Variants in RP1 observed in about 807,000 individuals in gnomAD.
The protein encoded by RP1 is oxygen-regulated protein 1.
A neutral mutation model predicts 14.8 loss-of-function variants in RP1; 16 were observed. That is an observed-to-expected ratio of 1.08 (90% CI 0.73 to 1.65). The LOEUF (loss-of-function observed/expected upper bound fraction) is 1.65, where lower values mean the gene tolerates loss of function less well. Ranked by LOEUF, RP1 falls within the 40% of genes most tolerant of loss-of-function variation. The pLI is 0.00. For synonymous variants in RP1, 876 were observed against 883.6 expected (o/e 0.99, Z 0.15); for missense variants, 2,631 against 2,535.0 (o/e 1.04, Z -0.81).
intron 3 of RP1, among the ~76,000 whole-genome samples, chr8:54,638,678 A>G (rs1467748651): frequency 1.3e-5 from 2 of 152,102 alleles, no homozygotes; most frequent in African/African-American, 4.8e-5. Flanking sequence ...TTTCACAATA[A>G]TACACACTTG....
chr8:54,565,449 C>T (rs915470570), intron 1 of RP1, among the ~76,000 whole-genome samples: 1 of 152,140 alleles, frequency 6.6e-6, no homozygotes, highest in African/African-American at 2.4e-5. Flanking sequence ...CCTGTAATCC[C>T]ATGTACTCAG....
At chr8:54,651,027 G>C (rs1806646286) in intron 4 of RP1, among the ~76,000 whole-genome samples, 1 of 151,890 alleles carries the variant, frequency 6.6e-6, no homozygotes, top group African/African-American at 2.4e-5. Flanking sequence ...GTGTGTGTGT[G>C]TGTCAGGGGG....
intron 24 of RP1, among the ~76,000 whole-genome samples, chr8:54,812,791 A>ATCTATCTG: frequency 6.7e-6 from 1 of 150,160 alleles, no homozygotes; most frequent in Non-Finnish European, 1.5e-5. Flanking sequence ...CTATCTATCT[A>ATCTATCTG]TCTATCTATC....
Position 54,642,034 on chromosome 8 carries a change from T to C in RP1, c.788-6951T>C, listed in dbSNP as rs146215319. Among the ~76,000 whole-genome samples, 1,165 of 152,318 alleles carry C rather than the reference T, an allele frequency of 7.6e-3. 19 individuals are homozygous for C. The highest frequency in any genetic ancestry group is 0.027 in the African/African-American group (1,106 of 41,580). On this transcript the variant is annotated intron_variant, in intron 3 of 22. Transcript: ENST00000636932. The stretch of plus-strand genomic sequence containing the variant: ...ATTAGTTGTGGTACTAAATTTAGTG[T>C]ACTGATTTGCAGAAATGGTTCAGTC...
intron 1 of RP1, among the ~76,000 whole-genome samples, chr8:54,569,063 G>C (rs1450912354): frequency 6.6e-6 from 1 of 152,190 alleles, no homozygotes; most frequent in Non-Finnish European, 1.5e-5. Flanking sequence ...AATATTAGCT[G>C]TTCTTATTAA....
intron 24 of RP1, among the ~76,000 whole-genome samples, chr8:54,817,023 A>G (rs145825845): frequency 7.9e-4 from 120 of 151,936 alleles, no homozygotes; most frequent in African/African-American, 2.8e-3. Context: ...ACTTTCTTGG[A>G]GAGCCTTTCG....
rs949261169 is a variant in RP1, at chr8:54,759,049, C to T, written c.3221C>T (p.Thr1074Ile). Residue 1074 changes from threonine to isoleucine, a missense_variant, in exon 22 of 23, where the codon ACA becomes ATA. Thr to Ile is a moderately conservative substitution (Grantham distance 89, BLOSUM62 -1). Transcript: ENST00000636932. ...GTCATAGTCAGAGAGCCCGGCACCA[C>T]ATCCGAGTCCATCTTTACCTGTCAA... The T allele has an allele frequency of 8.5e-6, 13 of 1,535,342 alleles. No individual in the cohort carries two copies. The African/African-American group carries it at 1.5e-4, about 18-fold the overall frequency.
chr8:54,769,307 T>C (rs1025366234), intron 22 of RP1, among the ~76,000 whole-genome samples: 1 of 152,202 alleles, frequency 6.6e-6, no homozygotes, highest in Non-Finnish European at 1.5e-5. Flanking sequence ...TATTTTTCTG[T>C]GCCAAGTTTC....
At chr8:54,716,863 AG>A (rs527554343) in intron 15 of RP1, among the ~76,000 whole-genome samples, 179 of 152,274 alleles carry the variant, frequency 1.2e-3, no homozygotes, top group African/African-American at 4.2e-3. Flanking sequence ...GGATACTCTA[AG>A]GGGAGTGTGT....
Position 54,625,618 on chromosome 8 carries a change from A to T in RP1, c.1736A>T (p.Asp579Val). The T allele has an allele frequency of 6.2e-7, 1 of 1,614,172 alleles. No homozygotes were observed. Among genetic ancestry groups the T allele is most frequent in the Non-Finnish European group, 8.5e-7 (1 of 1,180,016 alleles). ...TCAAATAACTCAATTGTGGAGGAAGATGTAGTTGATTGTGTGGTATTGGAC... is the reference window on the plus strand; with the variant it reads ...TCAAATAACTCAATTGTGGAGGAAGTTGTAGTTGATTGTGTGGTATTGGAC... Reference protein sequence around the residue: ...TISNNSIVEEDVVDCVVLDNK... With the variant: ...TISNNSIVEEVVVDCVVLDNK... Residue 579 changes from aspartate to valine, a missense_variant, in exon 4 of 4, where the codon GAT (aspartate) becomes GTT (valine). Coordinates refer to ENST00000220676, the MANE Select transcript of RP1 (RefSeq NM_006269.2).
At chr8:54,721,042 T>C (rs888340903) in intron 16 of RP1, among the ~76,000 whole-genome samples, 2 of 152,230 alleles carry the variant, frequency 1.3e-5, no homozygotes, top group African/African-American at 4.8e-5. Flanking sequence ...TTAGCTTCTA[T>C]TGGCTTATGA....
At chr8:54,753,940 G>T (rs1164035445) in intron 19 of RP1, among the ~76,000 whole-genome samples, 27 of 152,190 alleles carry the variant, frequency 1.8e-4, no homozygotes. Flanking sequence ...GAGGGACAGG[G>T]ACTTATTTAG....
At chr8:54,708,033 A>G (rs1359706052) in intron 15 of RP1, among the ~76,000 whole-genome samples, 1 of 152,184 alleles carries the variant, frequency 6.6e-6, no homozygotes, top group African/African-American at 2.4e-5. Flanking sequence ...ACCCCCTAGG[A>G]CAGAGTGTCC....
intron 12 of RP1, chr8:54,696,632 T>C: frequency 1.2e-6 from 1 of 826,698 alleles, no homozygotes; most frequent in Non-Finnish European, 2.0e-6. Context: ...ACCTCATGCC[T>C]TAGAATTGCC....
At chr8:54,607,765 C>T (rs1028487960) in intron 1 of RP1, among the ~76,000 whole-genome samples, 14 of 152,182 alleles carry the variant, frequency 9.2e-5, no homozygotes, top group South Asian at 2.1e-4. Context: ...CCCCTAGCCT[C>T]GCTGCCACCT....
chr8:54,577,119 G>A (rs1804679769), intron 1 of RP1, among the ~76,000 whole-genome samples: 1 of 152,096 alleles, frequency 6.6e-6, no homozygotes, highest in Non-Finnish European at 1.5e-5. Flanking sequence ...GGGTTCAAGT[G>A]ATTCTCCTGC....
At chr8:54,842,590 A>T (rs561969543) in intron 25 of RP1, among the ~76,000 whole-genome samples, 1 of 152,292 alleles carries the variant, frequency 6.6e-6, no homozygotes, top group African/African-American at 2.4e-5. Context: ...AGCTGTTATC[A>T]TGGGAACACT....
chr8:54,676,190 G>C lies in RP1; in HGVS notation c.1402+2262G>C, dbSNP rs1807291804. Among the ~76,000 whole-genome samples the C allele has an allele frequency of 2.0e-5, 3 of 152,262 alleles. No individual in the cohort carries two copies. The South Asian group carries it at 6.2e-4, about 32-fold the overall frequency. ...GACCCATCCCAGCACCATCCTAAAT[G>C]TAGGCACAAAGCTACATATTCAGGA... On this transcript the variant is annotated intron_variant, in intron 8 of 22. Transcript: ENST00000636932.
Position 54,781,649 on chromosome 8 carries a change from A to G in RP1, c.3452-1898A>G, listed in dbSNP as rs72650363. Among the ~76,000 whole-genome samples the G allele has an allele frequency of 6.4e-3, 974 of 152,304 alleles. 5 individuals carry two copies. The highest frequency in any genetic ancestry group is 0.011 in the Non-Finnish European group (750 of 68,026). ...AATGTTCCTCTATGTTATTTTCTAC[A>G]AGTGTTCTCAACTATTTTGTATTTT... On this transcript the variant is annotated intron_variant, in intron 23 of 28. Coordinates refer to the RP1 transcript ENST00000637698.
Sources: gnomAD v4.1 joint callset for allele counts (sites outside exome capture counted in the v4.1 genomes callset) on GRCh38, gnomAD v4.1.1 for gene constraint, MANE v1.5 for transcripts, NCBI Gene and HGNC (gene_info 2026-07-23, HGNC 2026-07-21) for gene names.